The following RTKN2 variants were observed in gnomAD, a reference collection of about 807,000 sequenced individuals.
The protein encoded by RTKN2 is rhotekin 2.
RTKN2 carries 69 observed loss-of-function variants against 71.5 expected under a neutral mutation model. That is an observed-to-expected ratio of 0.96 (90% CI 0.79 to 1.18). The LOEUF is 1.18. RTKN2 is among the 50% of genes most tolerant of loss of function. RTKN2 has a pLI of 0.00. For missense variants in RTKN2, 724 were observed against 719.7 expected (o/e 1.01, Z -0.07); for synonymous variants, 236 against 236.5 (o/e 1.00, Z 0.02).
Position 62,193,367 on chromosome 10 carries a change from C to A in RTKN2, c.*4541G>T. On this transcript the variant is annotated 3_prime_UTR_variant, in exon 12 of 12. Transcript: ENST00000373789. ...AATTTTCCATAAGATCTGGAATGAT[C>A]TTTTCTAATTATTAAACGTGTCAGC... is the stretch of plus-strand genomic sequence containing the variant. 1.0e-6 allele frequency: 1 copy of A among 981,402 alleles called. No homozygotes were observed. Among genetic ancestry groups the A allele is most frequent in the South Asian group, 4.7e-5 (1 of 21,214 alleles). The allele number at this position is 981,402 out of a possible 1,614,324, so 60.8% of individuals were successfully genotyped here. A position where few individuals can be genotyped will look rare whatever the true frequency, so the allele number is the denominator to read the frequency against.
chr10:62,250,851 G>A (rs921923933), intron 2 of RTKN2, among the ~76,000 whole-genome samples: 13 of 152,094 alleles, frequency 8.5e-5, no homozygotes, highest in African/African-American at 2.9e-4. Context: ...AGCTGGTCTC[G>A]AACTCCTGGA....
intron 6 of RTKN2, among the ~76,000 whole-genome samples, chr10:62,227,317 T>C (rs1389729720): frequency 6.6e-5 from 10 of 152,114 alleles, no homozygotes; most frequent in African/African-American, 2.4e-5. Context: ...GAGAGTGCTA[T>C]TTCAGATGGC....
intron 1 of RTKN2, among the ~76,000 whole-genome samples, chr10:62,264,162 A>G (rs1486752478): frequency 6.6e-6 from 1 of 152,204 alleles, no homozygotes; most frequent in Non-Finnish European, 1.5e-5. Flanking sequence ...GGTCTATACA[A>G]CCTTTTCAAA....
Position 62,195,585 on chromosome 10 carries a change from A to C in RTKN2, c.*2323T>G. ...AAGGAAGGAAGGAGGGAAGGAGGGA[A>C]GGAGAGACGGACAGAGGGAATGAAG... is the stretch of plus-strand genomic sequence containing the variant. On this transcript the variant is annotated 3_prime_UTR_variant, in exon 12 of 12. Coordinates refer to ENST00000373789, the MANE Select transcript of RTKN2 (RefSeq NM_145307.4). The C allele has an allele frequency of 1.5e-6, 1 of 647,178 alleles. No homozygotes were observed. The highest frequency in any genetic ancestry group is 1.9e-6 in the Non-Finnish European group (1 of 522,438). The allele number at this position is 647,178 out of a possible 1,614,324, so 40.1% of individuals were successfully genotyped here.
rs1039690397 is a variant in RTKN2, at chr10:62,198,008, T to C, written c.1730A>G (p.Asp577Gly). 5 of 1,613,918 alleles carry C rather than the reference T, an allele frequency of 3.1e-6. No individual in the cohort carries two copies. The highest frequency in any genetic ancestry group is 1.6e-4 in the Middle Eastern group (1 of 6,084). ...RNRLSDGEHT[D>G]TKTNFEAKPV... is the part of the protein sequence containing the mutation. Reference sequence around the variant, plus strand: ...CTTGGCTTCAAAATTGGTTTTAGTGTCTGTGTGCTCACCATCACTTAATCT... The same window carrying C: ...CTTGGCTTCAAAATTGGTTTTAGTGCCTGTGTGCTCACCATCACTTAATCT... The change falls in exon 12 of 12, where the codon GAC becomes GGC. Residue 577 changes from aspartate to glycine, a missense_variant. Physicochemically the swap from Asp to Gly is moderately conservative, Grantham distance 94 (BLOSUM62 -1). Coordinates refer to ENST00000373789, the MANE Select transcript of RTKN2 (RefSeq NM_145307.4).
At chr10:62,241,009 A>G (rs1426455013) in intron 4 of RTKN2, 133 bp downstream of exon 4, 8 of 571,330 alleles carry the variant, frequency 1.4e-5, no homozygotes, top group Non-Finnish European at 2.5e-5. Context: ...AAATCAGAAA[A>G]CAGTTCAAGA....
At chr10:62,254,709 G>A (rs537078858) in intron 2 of RTKN2, among the ~76,000 whole-genome samples, 1 of 152,324 alleles carries the variant, frequency 6.6e-6, no homozygotes. Flanking sequence ...GGAGGCTGAG[G>A]TGGGAGGACT....
Position 62,239,686 on chromosome 10 carries a change from T to C in RTKN2, c.450A>G (p.Lys150=). The part of the protein sequence containing the change: ...VFDTDVVNVD[K]TITDICFENV... ...TTTCAAAACATATATCTGTGATTGTTTTATCCACATTCACCACATCAGTAT... is the reference window on the plus strand; with the variant it reads ...TTTCAAAACATATATCTGTGATTGTCTTATCCACATTCACCACATCAGTAT... The change falls in exon 5 of 12, where the codon AAA becomes AAG. Residue 150 remains lysine (K), a synonymous_variant. Transcript: ENST00000373789. 1.3e-6 allele frequency: 2 copies of C among 1,563,748 alleles called. No homozygotes were observed. Among genetic ancestry groups the C allele is most frequent in the African/African-American group, 1.4e-5 (1 of 73,586 alleles).
chr10:62,242,356 A>G (rs1842393843), intron 3 of RTKN2, among the ~76,000 whole-genome samples: 1 of 152,256 alleles, frequency 6.6e-6, no homozygotes, highest in African/African-American at 2.4e-5. Context: ...ATAATATTCT[A>G]TCTTTACACA....
chr10:62,204,832 T>TA, intron 10 of RTKN2, 25 bp downstream of exon 10: 2 of 1,517,278 alleles, frequency 1.3e-6, no homozygotes, highest in Non-Finnish European at 8.8e-7. Context: ...AATACACAAC[T>TA]AAAAAAATCC....
Position 62,246,017 on chromosome 10 carries a change from C to G in RTKN2, c.298G>C (p.Gly100Arg). 6.3e-7 allele frequency: 1 copy of G among 1,594,282 alleles called. No homozygotes were observed. Among genetic ancestry groups the G allele is most frequent in the Non-Finnish European group, 8.5e-7 (1 of 1,169,814 alleles). Residue 100 changes from glycine (G) to arginine (R), a missense_variant, in exon 3 of 12, where the codon GGA becomes CGA. Gly to Arg is a moderately radical substitution (Grantham distance 125). Transcript: ENST00000373789. ...FESKERTACK[G>R]KIAISDIRIP... is the part of the protein sequence containing the mutation. ...AGCATACCTGATATGGCAATCTTTCCTTTACATGCTGTTCGTTCTTTACTT... is the reference window on the plus strand; with the variant it reads ...AGCATACCTGATATGGCAATCTTTCGTTTACATGCTGTTCGTTCTTTACTT...
intron 2 of RTKN2, among the ~76,000 whole-genome samples, chr10:62,256,191 T>C (rs1842671823): frequency 6.6e-6 from 1 of 152,000 alleles, no homozygotes; most frequent in Admixed American, 6.6e-5. Context: ...GCTAAATCTT[T>C]CTGTATTTTT....
At chr10:62,228,606 G>T (rs1201306622) in intron 6 of RTKN2, among the ~76,000 whole-genome samples, 1 of 152,104 alleles carries the variant, frequency 6.6e-6, no homozygotes, top group Non-Finnish European at 1.5e-5. Flanking sequence ...TGAAATTGAA[G>T]GTATTTCAGC....
In RTKN2 at chr10:62,223,263, G is replaced by T; in HGVS notation, c.756C>A (p.Thr252=). The T allele has an allele frequency of 6.2e-7, 1 of 1,605,980 alleles. No individual in the cohort carries two copies. Among genetic ancestry groups the T allele is most frequent in the Non-Finnish European group, 8.5e-7 (1 of 1,172,886 alleles). ...CATTTCCATTAATAGACAGATTATG[G>T]GTCTTGAAACTATCCTCAGCACTTT... The part of the protein sequence containing the change: ...TLESAEDSFK[T]HNLSINGNEE... Residue 252 remains threonine (T), a synonymous_variant, in exon 7 of 12, where the codon ACC becomes ACA. Transcript: ENST00000373789.
At chr10:62,220,186 C>T (rs1451955557) in intron 7 of RTKN2, among the ~76,000 whole-genome samples, 6 of 152,118 alleles carry the variant, frequency 3.9e-5, no homozygotes, top group Non-Finnish European at 7.3e-5. Context: ...TTTAAATTTA[C>T]CTACCCAAGA....
Position 62,268,830 on chromosome 10 carries a change from C to T in RTKN2, c.-220G>A, listed in dbSNP as rs1349072112. ...CCGGAAGTTGCCGAGACCCCAGGCTCTAGCGCGGCGGGGCGGGGGAGAGGG... is the reference window on the plus strand; with the variant it reads ...CCGGAAGTTGCCGAGACCCCAGGCTTTAGCGCGGCGGGGCGGGGGAGAGGG... On this transcript the variant is annotated 5_prime_UTR_variant, in exon 1 of 12. Transcript: ENST00000373789. The T allele has an allele frequency of 4.1e-5, 22 of 541,134 alleles. 1 individual carries two copies. The South Asian group carries it at 5.4e-4, about 13-fold the overall frequency. The allele number at this position is 541,134 out of a possible 1,614,324, so 33.5% of individuals were successfully genotyped here. A position where few individuals can be genotyped will look rare whatever the true frequency, so the allele number is the denominator to read the frequency against.
chr10:62,235,005 G>A (rs1003675852), intron 6 of RTKN2, among the ~76,000 whole-genome samples: 1 of 151,760 alleles, frequency 6.6e-6, no homozygotes, highest in Non-Finnish European at 1.5e-5. Context: ...ATCTAACTGC[G>A]AGGTTATAGG....
rs1394445418 is a variant in RTKN2 at position 62,196,214 on chromosome 10, G to A, written c.*1694C>T. ...CAATAATATCCTTTAGATTTTTAAT[G>A]TCATTTATTGAAATGGCAATCATAA... On this transcript the variant is annotated 3_prime_UTR_variant, in exon 12 of 12. Coordinates refer to ENST00000373789, the MANE Select transcript of RTKN2 (RefSeq NM_145307.4). 1.5e-5 allele frequency: 15 copies of A among 971,966 alleles called. No individual in the cohort carries two copies. Among genetic ancestry groups the A allele is most frequent in the Admixed American group, 6.2e-5 (1 of 16,224 alleles). 60.2% of individuals were successfully genotyped at this position (971,966 alleles called of 1,614,324 possible). A position where few individuals can be genotyped will look rare whatever the true frequency, so the allele number is the denominator to read the frequency against.
intron 2 of RTKN2, among the ~76,000 whole-genome samples, chr10:62,249,583 A>C (rs1009227529): frequency 6.6e-6 from 1 of 152,156 alleles, no homozygotes; most frequent in African/African-American, 2.4e-5. Flanking sequence ...AAATGAAGTA[A>C]GGATACGTTC....
Sources: allele counts gnomAD v4.1 joint callset (sites outside exome capture counted in the v4.1 genomes callset), GRCh38; gene constraint gnomAD v4.1.1; transcripts MANE v1.5; gene names NCBI Gene and HGNC (gene_info 2026-07-23, HGNC 2026-07-21).